The following RIMS2 variants were observed in gnomAD, a reference collection of about 807,000 sequenced individuals.
RIMS2 encodes regulating synaptic membrane exocytosis 2, also known as regulating synaptic membrane exocytosis protein 2.
In RIMS2, 59 loss-of-function variants were observed where a neutral mutation model predicts 174.4. That is an observed-to-expected ratio of 0.34 (90% CI 0.27 to 0.42). The LOEUF is 0.42. Ranked by LOEUF, RIMS2 falls within the 10% of genes least tolerant of loss-of-function variation. The pLI is 1.00. For missense variants in RIMS2, 1,620 were observed against 1,666.3 expected (o/e 0.97, Z 0.48); for synonymous variants, 606 against 572.5 (o/e 1.06, Z -0.84).
At chr8:104,135,073 CTT>C (rs1185745309) in intron 19 of RIMS2, among the ~76,000 whole-genome samples, 4 of 152,038 alleles carry the variant, frequency 2.6e-5, no homozygotes, top group African/African-American at 9.6e-5. Context: ...TTTTTGAAAA[CTT>C]CATGTATATG....
At chr8:104,128,825 TA>T (rs1354722676) in intron 19 of RIMS2, among the ~76,000 whole-genome samples, 14 of 152,302 alleles carry the variant, frequency 9.2e-5, no homozygotes, top group South Asian at 4.1e-4. Flanking sequence ...GAATTTAAAT[TA>T]AAAAATAGTT....
At chr8:103,826,413 G>T (rs1429317347) in intron 3 of RIMS2, among the ~76,000 whole-genome samples, 1 of 151,758 alleles carries the variant, frequency 6.6e-6, no homozygotes, top group Non-Finnish European at 1.5e-5. Context: ...ATAGTGTGAG[G>T]TAGGGGTCAA....
At chr8:103,509,115 A>C (rs1201818068) in intron 1 of RIMS2, among the ~76,000 whole-genome samples, 2 of 152,086 alleles carry the variant, frequency 1.3e-5, no homozygotes, top group Non-Finnish European at 2.9e-5. Flanking sequence ...ACTTGGTATA[A>C]TGGGATGGTA....
In RIMS2 at chr8:103,926,615, T is replaced by C. The variant is rs1318397851; in HGVS notation, c.2197-1227T>C. ...AATTGAGCAAAAGTACTCCTAGTAC[T>C]CATTATCTGTTTCCAGTTAGCAGTG... On this transcript the variant is annotated intron_variant, in intron 10 of 23. Transcript: ENST00000504942. Among the ~76,000 whole-genome samples the C allele has an allele frequency of 2.0e-5, 3 of 151,602 alleles. No homozygotes were observed. In the East Asian group the frequency reaches 5.8e-4, roughly 29 times the overall value.
At chr8:103,506,894 A>T (rs1823939584) in intron 1 of RIMS2, among the ~76,000 whole-genome samples, 1 of 152,182 alleles carries the variant, frequency 6.6e-6, no homozygotes, top group African/African-American at 2.4e-5. Context: ...TAGCACTGAC[A>T]TCAAGTTATT....
intron 1 of RIMS2, among the ~76,000 whole-genome samples, chr8:103,659,050 G>A (rs963484686): frequency 1.3e-5 from 2 of 152,180 alleles, no homozygotes; most frequent in Non-Finnish European, 2.9e-5. Flanking sequence ...AAGAGTCCTT[G>A]AGGATATTTA....
intron 19 of RIMS2, among the ~76,000 whole-genome samples, chr8:104,067,462 C>T (rs2097125498): frequency 6.6e-6 from 1 of 152,098 alleles, no homozygotes; most frequent in South Asian, 2.1e-4. Flanking sequence ...GTGGTATGAT[C>T]ATAGCTCACT....
At chr8:103,735,088 AG>A (rs1367765737) in intron 2 of RIMS2, among the ~76,000 whole-genome samples, 3 of 152,184 alleles carry the variant, frequency 2.0e-5, no homozygotes, top group Admixed American at 6.5e-5. Flanking sequence ...ATTTGTTAAA[AG>A]TTCAGCCTAT....
chr8:104,249,678 G>A, intron 22 of RIMS2, 90 bp downstream of exon 28: 1 of 727,702 alleles, frequency 1.4e-6, no homozygotes, highest in Non-Finnish European at 2.4e-6. Flanking sequence ...CTTTGATTTA[G>A]TTAATCAAGA....
intron 19 of RIMS2, among the ~76,000 whole-genome samples, chr8:104,183,609 G>T (rs1242915637): frequency 6.6e-6 from 1 of 151,440 alleles, no homozygotes; most frequent in Non-Finnish European, 1.5e-5. Context: ...ACTTTTTTTA[G>T]AGAGAAAAAT....
intron 3 of RIMS2, among the ~76,000 whole-genome samples, chr8:103,788,654 A>T (rs1488471943): frequency 6.6e-6 from 1 of 151,886 alleles, no homozygotes; most frequent in Non-Finnish European, 1.5e-5. Flanking sequence ...GCGTGCTGGG[A>T]GAACCACTGC....
intron 17 of RIMS2, among the ~76,000 whole-genome samples, chr8:104,012,718 T>G (rs2095800990): frequency 6.6e-6 from 1 of 152,112 alleles, no homozygotes; most frequent in African/African-American, 2.4e-5. Context: ...TTGCTTAAAT[T>G]TAAGGATACT....
intron 19 of RIMS2, among the ~76,000 whole-genome samples, chr8:104,044,276 T>C (rs2096656776): frequency 6.6e-6 from 1 of 151,580 alleles, no homozygotes; most frequent in African/African-American, 2.4e-5. Flanking sequence ...AGTAGGGTTT[T>C]GACAGTACCG....
At chr8:103,677,811 G>A (rs1410204703) in intron 1 of RIMS2, among the ~76,000 whole-genome samples, 2 of 151,316 alleles carry the variant, frequency 1.3e-5, no homozygotes, top group South Asian at 2.1e-4. Context: ...AAGATTCGTG[G>A]ACAAAAAAAA....
At chr8:103,858,494 C>T (rs981724424) in intron 3 of RIMS2, among the ~76,000 whole-genome samples, 23 of 151,722 alleles carry the variant, frequency 1.5e-4, no homozygotes, top group African/African-American at 2.7e-4. Context: ...AGAGATTGGC[C>T]GAGCTCATCT....
At chr8:104,148,928 T>G (rs1231544610) in intron 19 of RIMS2, 80 bp downstream of exon 25, 2 of 1,387,364 alleles carry the variant, frequency 1.4e-6, no homozygotes, top group African/African-American at 2.8e-5. Flanking sequence ...ACTCATTTTA[T>G]TGCAGTAATG....
At chr8:104,206,830 C>T (rs2099082474) in intron 19 of RIMS2, among the ~76,000 whole-genome samples, 1 of 152,168 alleles carries the variant, frequency 6.6e-6, no homozygotes, top group African/African-American at 2.4e-5. Context: ...GTAGGGAGGC[C>T]TAGCTTCCAG....
intron 19 of RIMS2, among the ~76,000 whole-genome samples, chr8:104,069,971 A>G (rs1248476297): frequency 3.9e-5 from 6 of 152,170 alleles, no homozygotes; most frequent in African/African-American, 1.4e-4. Context: ...TATAGTTGTA[A>G]TATTTGTGGT....
intron 19 of RIMS2, among the ~76,000 whole-genome samples, chr8:104,215,432 A>G (rs1290120283): frequency 6.6e-6 from 1 of 152,244 alleles, no homozygotes; most frequent in African/African-American, 2.4e-5. Context: ...ATAGTGAATG[A>G]ATAAATAATA....
Sources: gnomAD v4.1 joint callset for allele counts (sites outside exome capture counted in the v4.1 genomes callset) on GRCh38, gnomAD v4.1.1 for gene constraint, MANE v1.5 for transcripts, NCBI Gene and HGNC (gene_info 2026-07-23, HGNC 2026-07-21) for gene names.